Variants in PALLD observed in about 807,000 individuals in gnomAD.
The protein encoded by PALLD is palladin, cytoskeletal associated protein.
PALLD carries 61 observed loss-of-function variants against 123.5 expected under a neutral mutation model. That is an observed-to-expected ratio of 0.49 (90% CI 0.40 to 0.61). The LOEUF (loss-of-function observed/expected upper bound fraction) is 0.61, where lower values mean the gene tolerates loss of function less well. PALLD is among the 20% of genes least tolerant of loss of function. PALLD has a pLI of 0.00. For synonymous variants in PALLD, 465 were observed against 496.4 expected (o/e 0.94, Z 0.84); for missense variants, 1,273 against 1,377.0 (o/e 0.92, Z 1.20).
intron 2 of PALLD, among the ~76,000 whole-genome samples, chr4:168,559,360 G>A (rs1029553088): frequency 2.6e-5 from 4 of 151,954 alleles, no homozygotes; most frequent in Non-Finnish European, 5.9e-5. Flanking sequence ...AAGGTACAGA[G>A]CATGAGATAT....
intron 10 of PALLD, among the ~76,000 whole-genome samples, chr4:168,806,446 G>A (rs918690198): frequency 1.3e-5 from 2 of 152,258 alleles, no homozygotes; most frequent in Admixed American, 1.3e-4. Flanking sequence ...AGACGTGCTT[G>A]CTTCCCCTTC....
At chr4:168,887,135 A>AG (rs1753475502) in intron 10 of PALLD, among the ~76,000 whole-genome samples, 2 of 151,142 alleles carry the variant, frequency 1.3e-5, no homozygotes, top group East Asian at 1.9e-4. Context: ...AAAAAAAAGA[A>AG]AAAGAAAAAG....
intron 10 of PALLD, among the ~76,000 whole-genome samples, chr4:168,826,588 G>C (rs1581660163): frequency 1.3e-5 from 2 of 152,132 alleles, no homozygotes; most frequent in East Asian, 3.8e-4. Context: ...CATAATGCCA[G>C]CCCAAAGTAA....
rs771620052 is a variant in PALLD, at chr4:168,521,186, C to A, written c.908+8774C>A. ...CTGCAGATGGCAAAAAAAACAAAAA[C>A]AAAAAAAAACAAAACACCTGTATAT... On this transcript the variant is annotated intron_variant, in intron 2 of 21. Transcript: ENST00000505667. Among the ~76,000 whole-genome samples the A allele has an allele frequency of 2.2e-4, 33 of 149,046 alleles. 1 individual carries two copies. Among genetic ancestry groups the A allele is most frequent in the Non-Finnish European group, 4.6e-4 (31 of 67,138 alleles).
intron 2 of PALLD, among the ~76,000 whole-genome samples, chr4:168,602,041 T>G (rs192067811): frequency 6.6e-6 from 1 of 152,280 alleles, no homozygotes; most frequent in East Asian, 1.9e-4. Flanking sequence ...CCATCCAGCA[T>G]AGAGCACTCT....
rs570514627 is a variant in PALLD, at chr4:168,720,551, G to C, written c.1964+8628G>C. Reference sequence around the variant, plus strand: ...CTCTGAGTCACCAAACACATTGGAGGTTGATAAGGAACATAGGAGTAGTCA... The same window carrying C: ...CTCTGAGTCACCAAACACATTGGAGCTTGATAAGGAACATAGGAGTAGTCA... On this transcript the variant is annotated intron_variant, in intron 10 of 21. Coordinates refer to ENST00000505667, the MANE Select transcript of PALLD (RefSeq NM_001166108.2). 5.3e-5 allele frequency among the ~76,000 whole-genome samples: 8 copies of C among 152,324 alleles called. No individual in the cohort carries two copies. The East Asian group carries it at 1.2e-3, about 22-fold the overall frequency.
chr4:168,705,401 A>G (rs1474317897), intron 8 of PALLD, among the ~76,000 whole-genome samples: 7 of 152,228 alleles, frequency 4.6e-5, no homozygotes, highest in African/African-American at 1.7e-4. Flanking sequence ...GGAGCTGTTC[A>G]TGGATGGAGA....
At chr4:168,838,319 T>C (rs944106167) in intron 10 of PALLD, among the ~76,000 whole-genome samples, 3 of 152,162 alleles carry the variant, frequency 2.0e-5, no homozygotes, top group Non-Finnish European at 4.4e-5. Flanking sequence ...CTGATTCTCC[T>C]GTAGCCCCAG....
chr4:168,787,386 C>T (rs1163690940), intron 10 of PALLD, among the ~76,000 whole-genome samples: 2 of 152,190 alleles, frequency 1.3e-5, no homozygotes, highest in Non-Finnish European at 2.9e-5. Context: ...TGCGGTTTAT[C>T]TGGAAGTAGT....
intron 10 of PALLD, among the ~76,000 whole-genome samples, chr4:168,716,519 G>C (rs1469223792): frequency 6.6e-6 from 1 of 152,074 alleles, no homozygotes; most frequent in South Asian, 2.1e-4. Flanking sequence ...ACGATTTCAG[G>C]CTGAATCAAC....
At chr4:168,586,282 A>G (rs1770815178) in intron 2 of PALLD, among the ~76,000 whole-genome samples, 4 of 152,050 alleles carry the variant, frequency 2.6e-5, no homozygotes, top group Admixed American at 2.6e-4. Context: ...CTCCTGGTAA[A>G]CCATTAGGAA....
At chr4:168,525,784 T>A (rs2149467374) in intron 2 of PALLD, among the ~76,000 whole-genome samples, 1 of 152,344 alleles carries the variant, frequency 6.6e-6, no homozygotes, top group Middle Eastern at 3.4e-3. Flanking sequence ...AGAGCTATTG[T>A]GTTTGGATTG....
intron 10 of PALLD, among the ~76,000 whole-genome samples, chr4:168,881,592 A>G (rs533234530): frequency 6.6e-6 from 1 of 151,712 alleles, no homozygotes; most frequent in African/African-American, 2.4e-5. Context: ...TTTATGCTAC[A>G]TCTTCCCCAA....
chr4:168,515,375 T>C (rs1442065451), intron 2 of PALLD, among the ~76,000 whole-genome samples: 1 of 152,214 alleles, frequency 6.6e-6, no homozygotes, highest in Non-Finnish European at 1.5e-5. Context: ...CCAGAGGACC[T>C]AGGACCTGGA....
At chr4:168,665,109 G>C (rs1232721622) in intron 2 of PALLD, among the ~76,000 whole-genome samples, 2 of 152,152 alleles carry the variant, frequency 1.3e-5, no homozygotes, top group Non-Finnish European at 2.9e-5. Context: ...GTAATTAATG[G>C]CTTAGCTTAC....
intron 10 of PALLD, among the ~76,000 whole-genome samples, chr4:168,840,160 A>G (rs1477766770): frequency 9.2e-5 from 14 of 152,140 alleles, no homozygotes; most frequent in Admixed American, 9.2e-4. Context: ...AATGAATCCA[A>G]ATGTATTCCA....
intron 2 of PALLD, among the ~76,000 whole-genome samples, chr4:168,580,054 C>A (rs1425402378): frequency 6.6e-6 from 1 of 152,036 alleles, no homozygotes; most frequent in African/African-American, 2.4e-5. Flanking sequence ...CAAACCCTGG[C>A]AACCACCATT....
At chr4:168,593,604 G>A (rs1771676862) in intron 2 of PALLD, among the ~76,000 whole-genome samples, 1 of 152,056 alleles carries the variant, frequency 6.6e-6, no homozygotes, top group Non-Finnish European at 1.5e-5. Context: ...AAAAGCAAGA[G>A]GATTCCAGTC....
At chr4:168,554,104 C>T (rs6827379) in intron 2 of PALLD, among the ~76,000 whole-genome samples, 1 of 151,990 alleles carries the variant, frequency 6.6e-6, no homozygotes, top group Non-Finnish European at 1.5e-5. Flanking sequence ...GGTTCAATGC[C>T]GGACATCCTT....
Sources: allele counts gnomAD v4.1 joint callset (sites outside exome capture counted in the v4.1 genomes callset), GRCh38; gene constraint gnomAD v4.1.1; transcripts MANE v1.5; gene names NCBI Gene and HGNC (gene_info 2026-07-23, HGNC 2026-07-21).